Variants in STK3 observed in about 807,000 individuals in gnomAD.
STK3 encodes serine/threonine kinase 3.
A neutral mutation model predicts 58.0 loss-of-function variants in STK3; 41 were observed. The observed-to-expected ratio is 0.71, with a 90% CI of 0.55 to 0.92. The LOEUF (loss-of-function observed/expected upper bound fraction) is 0.92, where lower values mean the gene tolerates loss of function less well. Ranked by LOEUF, STK3 falls within the 40% of genes least tolerant of loss-of-function variation. The probability of loss-of-function intolerance (pLI) is 0.00; values close to 1 mark genes in which losing one functional copy is unlikely to be tolerated. For missense variants in STK3, 479 were observed against 602.7 expected (o/e 0.79, Z 2.15); for synonymous variants, 170 against 191.0 (o/e 0.89, Z 0.91).
intron 4 of STK3, among the ~76,000 whole-genome samples, chr8:98,747,411 TA>T (rs1431881916): frequency 1.3e-5 from 2 of 151,324 alleles, no homozygotes; most frequent in Non-Finnish European, 2.9e-5. Context: ...AAACAATTAC[TA>T]GAGTGAGTTT....
At chr8:98,877,923 G>T (rs1275193551) in intron 3 of STK3, among the ~76,000 whole-genome samples, 1 of 152,156 alleles carries the variant, frequency 6.6e-6, no homozygotes, top group South Asian at 2.1e-4. Flanking sequence ...AAACCTAAAA[G>T]AAATAGTCAC....
In STK3 at chr8:98,522,376, C is replaced by T. The variant is rs933244142; in HGVS notation, c.1317+4366G>A. Among the ~76,000 whole-genome samples, 5 of 152,174 alleles carry T rather than the reference C, an allele frequency of 3.3e-5. No individual in the cohort carries two copies. In the East Asian group the frequency reaches 7.7e-4, roughly 23 times the overall value. ...TCTGCAAAGTATACTGTAATAATTCCTTCCATCTCATAGCACCCTTTGCCA... is the reference window on the plus strand; with the variant it reads ...TCTGCAAAGTATACTGTAATAATTCTTTCCATCTCATAGCACCCTTTGCCA... On this transcript the variant is annotated intron_variant, in intron 10 of 10. Transcript: ENST00000419617.
chr8:98,412,202 C>T (rs967813917), intron 3 of STK3, among the ~76,000 whole-genome samples: 2 of 152,234 alleles, frequency 1.3e-5, no homozygotes, highest in Non-Finnish European at 2.9e-5. Flanking sequence ...CAGATTCCTA[C>T]TTATGAATTA....
chr8:98,475,104 C>A (rs1821210467), intron 10 of STK3, among the ~76,000 whole-genome samples: 1 of 152,160 alleles, frequency 6.6e-6, no homozygotes, highest in Non-Finnish European at 1.5e-5. Flanking sequence ...GATGAAGTTT[C>A]CTGAAATCTG....
At chr8:98,840,006 A>G (rs888139682) in intron 3 of STK3, among the ~76,000 whole-genome samples, 10 of 152,184 alleles carry the variant, frequency 6.6e-5, no homozygotes, top group Admixed American at 2.0e-4. Flanking sequence ...CCACAGATTT[A>G]TGCTTAGTAA....
chr8:98,586,625 G>T (rs1170851232), intron 7 of STK3, among the ~76,000 whole-genome samples: 1 of 150,990 alleles, frequency 6.6e-6, no homozygotes, highest in Non-Finnish European at 1.5e-5. Flanking sequence ...ATGAGTTAGG[G>T]AGGATTCCCT....
intron 7 of STK3, among the ~76,000 whole-genome samples, chr8:98,581,726 C>A (rs1813901657): frequency 6.6e-6 from 1 of 151,652 alleles, no homozygotes; most frequent in Admixed American, 6.6e-5. Flanking sequence ...CTCCACTACC[C>A]AGTGTGGGAT....
chr8:98,570,015 C>A, intron 8 of STK3, among the ~76,000 whole-genome samples: 2 of 139,914 alleles, frequency 1.4e-5, no homozygotes, highest in Admixed American at 7.1e-5. Flanking sequence ...CAGTAAAGAA[C>A]AAATACATAT....
chr8:98,822,082 A>AT (rs1834947037), intron 1 of STK3, among the ~76,000 whole-genome samples: 1 of 152,184 alleles, frequency 6.6e-6, no homozygotes, highest in Admixed American at 6.5e-5. Context: ...ACACACATAT[A>AT]TATGTAACAT....
intron 6 of STK3, among the ~76,000 whole-genome samples, chr8:98,625,100 A>G (rs1479743808): frequency 6.6e-6 from 1 of 152,192 alleles, no homozygotes; most frequent in Admixed American, 6.5e-5. Flanking sequence ...TACTTCTTAT[A>G]TGTAACACCA....
At chr8:98,747,050 G>C (rs1282841431) in intron 4 of STK3, among the ~76,000 whole-genome samples, 1 of 69,296 alleles carries the variant, frequency 1.4e-5, no homozygotes, top group Non-Finnish European at 3.0e-5. Context: ...TCAGAAAAAG[G>C]AAAAAAGAAA....
intron 1 of STK3, among the ~76,000 whole-genome samples, chr8:98,824,170 G>C (rs1397441280): frequency 1.3e-5 from 2 of 152,122 alleles, no homozygotes; most frequent in African/African-American, 4.8e-5. Flanking sequence ...CGGCATTTTT[G>C]TTCACTACTT....
chr8:98,357,748 G>C, the STK3 span, among the ~76,000 whole-genome samples: 5 of 152,218 alleles, frequency 3.3e-5, no homozygotes, highest in Admixed American at 3.3e-4. Flanking sequence ...CACAGGAGTT[G>C]ACCCATTTCC....
chr8:98,740,337 C>T (rs1829082643), intron 4 of STK3, among the ~76,000 whole-genome samples: 1 of 152,096 alleles, frequency 6.6e-6, no homozygotes, highest in South Asian at 2.1e-4. Flanking sequence ...TTAAGGGCAG[C>T]CAGAGAGAAA....
intron 1 of STK3, chr8:98,905,631 T>C (rs1838867311): frequency 2.3e-6 from 2 of 863,516 alleles, no homozygotes; most frequent in Non-Finnish European, 4.0e-6. Context: ...TCCTGCTCTG[T>C]GGCCTCCTGG....
intron 1 of STK3, among the ~76,000 whole-genome samples, chr8:98,821,433 A>G (rs778705640): frequency 1.4e-4 from 21 of 151,958 alleles, no homozygotes; most frequent in Non-Finnish European, 2.4e-4. Flanking sequence ...CCCTTCCCAG[A>G]GGGAAATCCT....
At chr8:98,931,566 C>T (rs1223642067) in intron 1 of STK3, among the ~76,000 whole-genome samples, 2 of 152,118 alleles carry the variant, frequency 1.3e-5, no homozygotes, top group Non-Finnish European at 2.9e-5. Flanking sequence ...ACCCAGATAC[C>T]CAGCAGATAA....
chr8:98,621,182 C>T (rs1273197497), intron 6 of STK3, among the ~76,000 whole-genome samples: 3 of 152,132 alleles, frequency 2.0e-5, no homozygotes, highest in Admixed American at 6.5e-5. Flanking sequence ...CCTCGTGATC[C>T]GCCCGCCTCG....
At chr8:98,350,528 T>C in the STK3 span, among the ~76,000 whole-genome samples, 1 of 152,198 alleles carries the variant, frequency 6.6e-6, no homozygotes, top group Admixed American at 6.5e-5. Context: ...GGTACCAATT[T>C]ACTGTATTAG....
Sources: allele counts gnomAD v4.1 joint callset (sites outside exome capture counted in the v4.1 genomes callset), GRCh38; gene constraint gnomAD v4.1.1; transcripts MANE v1.5; gene names NCBI Gene and HGNC (gene_info 2026-07-23, HGNC 2026-07-21).